ALPK2: variants seen among roughly 807,000 people sequenced by gnomAD.
The protein encoded by ALPK2 is alpha kinase 2, also known as alpha-protein kinase 2.
Under a neutral mutation model 163.1 loss-of-function variants are expected in ALPK2, and 127 were observed. The ratio of observed to expected loss-of-function variants is 0.78; its 90% confidence interval spans 0.67 to 0.90. The LOEUF is 0.90. ALPK2 is among the 40% of genes least tolerant of loss of function. The pLI, the probability that ALPK2 is intolerant of heterozygous loss-of-function variation, is 0.00. For missense variants in ALPK2, 2,360 were observed against 2,589.6 expected, an observed-to-expected ratio of 0.91 and a Z score of 1.92; for synonymous variants, 953 against 959.1, an observed-to-expected ratio of 0.99 and a Z score of 0.12.
intron 3 of ALPK2, among the ~76,000 whole-genome samples, chr18:58,600,896 TTCC>T (rs2052066022): frequency 6.6e-6 from 1 of 152,222 alleles, no homozygotes; most frequent in Admixed American, 6.5e-5. Context: ...AGAACTTTGC[TTCC>T]TCTTACTTGG....
chr18:58,536,946 C>T lies in ALPK2; in HGVS notation c.3241G>A (p.Gly1081Arg), dbSNP rs2051652775. The change falls in exon 5 of 13, where the codon GGA (glycine) becomes AGA (arginine). Residue 1081 changes from glycine to arginine, a missense_variant. Gly to Arg is a moderately radical substitution (Grantham distance 125, BLOSUM62 -2). Coordinates refer to ENST00000361673, the MANE Select transcript of ALPK2 (RefSeq NM_052947.4). ...AGCTGCAGGACATGGTGTGGGACTCCTGGCACACTGGGTGCCCTGCAAAGT... is the reference window on the plus strand; with the variant it reads ...AGCTGCAGGACATGGTGTGGGACTCTTGGCACACTGGGTGCCCTGCAAAGT... Reference protein sequence around the residue: ...ELLCRAPSVPGVPHHVLQLPE... With the variant: ...ELLCRAPSVPRVPHHVLQLPE... 1.2e-6 allele frequency: 2 copies of T among 1,614,196 alleles called. No individual in the cohort carries two copies. Among genetic ancestry groups the T allele is most frequent in the East Asian group, 2.2e-5 (1 of 44,884 alleles).
At chr18:58,604,470 C>A (rs992212370) in intron 3 of ALPK2, among the ~76,000 whole-genome samples, 36 of 152,188 alleles carry the variant, frequency 2.4e-4, no homozygotes, top group Non-Finnish European at 3.1e-4. Flanking sequence ...CCTGGGATTC[C>A]GATTTAATTG....
chr18:58,487,409 A>C (rs1159157906), intron 12 of ALPK2, among the ~76,000 whole-genome samples: 2 of 152,192 alleles, frequency 1.3e-5, no homozygotes, highest in African/African-American at 4.8e-5. Flanking sequence ...AGAAGGAGCC[A>C]ACCCTGCCAA....
At chr18:58,498,864 T>G in intron 11 of ALPK2, among the ~76,000 whole-genome samples, 1 of 152,368 alleles carries the variant, frequency 6.6e-6, no homozygotes, top group East Asian at 1.9e-4. Flanking sequence ...TAGCCTCTTT[T>G]TCTTTGTAAA....
At chr18:58,544,150 G>A (rs1013369435) in intron 4 of ALPK2, 1 of 152,208 alleles carries the variant, frequency 6.6e-6, no homozygotes, top group African/African-American at 2.4e-5. Flanking sequence ...TACAGGAGGG[G>A]AAAGGGTAAA....
intron 3 of ALPK2, among the ~76,000 whole-genome samples, chr18:58,581,706 C>T (rs933262758): frequency 5.9e-5 from 9 of 152,140 alleles, no homozygotes; most frequent in South Asian, 2.1e-4. Flanking sequence ...CTCATTTGAC[C>T]GCATTGTAAT....
At chr18:58,491,046 T>C (rs2099717363) in intron 12 of ALPK2, among the ~76,000 whole-genome samples, 1 of 152,256 alleles carries the variant, frequency 6.6e-6, no homozygotes. Context: ...ATTCGCCCAC[T>C]GTCCTAAGCC....
intron 4 of ALPK2, among the ~76,000 whole-genome samples, chr18:58,577,657 TA>T (rs1291711002): frequency 6.6e-6 from 1 of 152,212 alleles, no homozygotes; most frequent in Non-Finnish European, 1.5e-5. Context: ...CTGTGAAAAG[TA>T]AAATATAAAT....
intron 8 of ALPK2, among the ~76,000 whole-genome samples, chr18:58,523,063 C>T (rs2051563878): frequency 1.1e-5 from 1 of 94,524 alleles, no homozygotes; most frequent in Admixed American, 1.1e-4. Flanking sequence ...ACCCTCCCCC[C>T]TCCCCCCACC....
intron 3 of ALPK2, chr18:58,580,955 A>G (rs2144200557): frequency 6.2e-6 from 1 of 162,086 alleles, no homozygotes; most frequent in African/African-American, 2.4e-5. Context: ...GCATATCATC[A>G]AGAAACAATC....
At chr18:58,568,836 T>C (rs2051870452) in intron 4 of ALPK2, among the ~76,000 whole-genome samples, 1 of 152,198 alleles carries the variant, frequency 6.6e-6, no homozygotes, top group African/African-American at 2.4e-5. Flanking sequence ...CCATTTTATA[T>C]CAGAGACATG....
At chr18:58,618,112 C>A (rs767647335) in intron 1 of ALPK2, among the ~76,000 whole-genome samples, 1 of 152,208 alleles carries the variant, frequency 6.6e-6, no homozygotes, top group Non-Finnish European at 1.5e-5. Context: ...ATGGCACGAT[C>A]TCGGGTCACG....
intron 4 of ALPK2, among the ~76,000 whole-genome samples, chr18:58,555,262 G>A (rs1399583684): frequency 6.6e-6 from 1 of 152,158 alleles, no homozygotes. Flanking sequence ...ATGTGGATTT[G>A]GAAGTAATTA....
chr18:58,502,382 G>T (rs2051437201), intron 11 of ALPK2, among the ~76,000 whole-genome samples: 1 of 151,956 alleles, frequency 6.6e-6, no homozygotes. Flanking sequence ...TGGGTTAAAA[G>T]AAATAGGAAC....
chr18:58,569,999 G>A (rs990925793), intron 4 of ALPK2, among the ~76,000 whole-genome samples: 85 of 152,200 alleles, frequency 5.6e-4, no homozygotes, highest in Admixed American at 5.4e-3. Context: ...GTGTGGTGGC[G>A]GGTGCCTGTA....
At chr18:58,508,428 G>A (rs960294127) in intron 10 of ALPK2, among the ~76,000 whole-genome samples, 1 of 152,206 alleles carries the variant, frequency 6.6e-6, no homozygotes, top group African/African-American at 2.4e-5. Flanking sequence ...GTCACAGGAT[G>A]AGATAGGAGG....
At chr18:58,531,372 A>T (rs952026196) in intron 5 of ALPK2, among the ~76,000 whole-genome samples, 2 of 152,184 alleles carry the variant, frequency 1.3e-5, no homozygotes, top group African/African-American at 4.8e-5. Context: ...GGTAGGGCAC[A>T]GTCGAGATGT....
intron 4 of ALPK2, among the ~76,000 whole-genome samples, chr18:58,548,893 T>C (rs181985232): frequency 2.0e-5 from 3 of 152,300 alleles, no homozygotes; most frequent in Non-Finnish European, 4.4e-5. Flanking sequence ...TGCCAACATA[T>C]GTAGGAAGGT....
intron 3 of ALPK2, among the ~76,000 whole-genome samples, chr18:58,599,404 C>A (rs1189619645): frequency 1.3e-5 from 2 of 152,196 alleles, no homozygotes; most frequent in Non-Finnish European, 2.9e-5. Flanking sequence ...AACACAGACA[C>A]CTTCCAGGTG....
Sources: gnomAD v4.1 joint callset for allele counts (sites outside exome capture counted in the v4.1 genomes callset) on GRCh38, gnomAD v4.1.1 for gene constraint, MANE v1.5 for transcripts, NCBI Gene and HGNC (gene_info 2026-07-23, HGNC 2026-07-21) for gene names.